The following TMEM144 variants were observed in gnomAD, a reference collection of about 807,000 sequenced individuals.
The protein encoded by TMEM144 is transmembrane protein 144.
In TMEM144, 39 loss-of-function variants were observed where a neutral mutation model predicts 43.6. The observed-to-expected ratio is 0.90, with a 90% CI of 0.69 to 1.17. TMEM144 has a LOEUF of 1.17. Among genes scored for constraint, TMEM144 ranks in the 50% most tolerant of loss-of-function variants. The pLI, the probability that TMEM144 is intolerant of heterozygous loss-of-function variation, is 0.00. For synonymous variants in TMEM144, 154 were observed against 133.6 expected, an observed-to-expected ratio of 1.15 and a Z score of -1.06; for missense variants, 417 against 411.9, an observed-to-expected ratio of 1.01 and a Z score of -0.11.
intron 6 of TMEM144, among the ~76,000 whole-genome samples, chr4:158,221,926 T>C (rs1734528194): frequency 6.6e-6 from 1 of 152,204 alleles, no homozygotes; most frequent in Non-Finnish European, 1.5e-5. Flanking sequence ...GCCTTCAACA[T>C]TTCCCAATCA....
At chr4:158,237,813 T>C (rs1161710956) in intron 9 of TMEM144, among the ~76,000 whole-genome samples, 170 bp downstream of exon 9, 2 of 152,212 alleles carry the variant, frequency 1.3e-5, no homozygotes, top group Admixed American at 6.5e-5. Context: ...AGCATTTTCA[T>C]ATGATCTTTA....
rs149144602 is a variant in TMEM144, at chr4:158,249,887, G to GGTGTGT, written c.955-3516_955-3511dup. Among the ~76,000 whole-genome samples, 800 of 134,510 alleles carry GGTGTGT rather than the reference G, an allele frequency of 5.9e-3. 8 individuals are homozygous for GGTGTGT. The highest frequency in any genetic ancestry group is 8.0e-3 in the Non-Finnish European group (501 of 62,742). The allele number at this position is 134,510 out of a possible 152,430, so 88.2% of individuals were successfully genotyped here. On this transcript the variant is annotated intron_variant, in intron 12 of 12. Transcript: ENST00000296529. ...CTGGGAAATCCAAAGCCTACTGCCA[G>GGTGTGT]GTGTGTGTGTGTGTGTGTGTGTGTG...
chr4:158,251,626 G>A (rs1269285389), intron 12 of TMEM144, among the ~76,000 whole-genome samples: 1 of 152,182 alleles, frequency 6.6e-6, no homozygotes, highest in African/African-American at 2.4e-5. Context: ...GTTTCACCTA[G>A]GACCTCATTA....
intron 8 of TMEM144, 33 bp downstream of exon 8, chr4:158,235,538 C>G (rs1171705685): frequency 5.1e-6 from 8 of 1,577,458 alleles, no homozygotes; most frequent in Non-Finnish European, 6.9e-6. Context: ...CTCTATTACT[C>G]TGTTTCATAT....
At position 158,245,093 on chromosome 4, in the gene TMEM144, TC is replaced by T. The variant is rs748570913; in HGVS notation, c.954+746del. Among the ~76,000 whole-genome samples the T allele has an allele frequency of 2.0e-5, 3 of 152,146 alleles. No homozygotes were observed. The South Asian group carries it at 6.2e-4, about 32-fold the overall frequency. On this transcript the variant is annotated intron_variant, in intron 12 of 12. Coordinates refer to ENST00000296529, the MANE Select transcript of TMEM144 (RefSeq NM_018342.5). ...TTGGTTCCTATGTCTCCCAAAGACC[TC>T]CATGTCAAACCAGCAATTTTGTAGG...
At chr4:158,247,029 A>C (rs748169482) in intron 12 of TMEM144, among the ~76,000 whole-genome samples, 86 of 151,974 alleles carry the variant, frequency 5.7e-4, no homozygotes, top group Non-Finnish European at 9.6e-4. Context: ...TTAAAAAGAC[A>C]CATCAGACTG....
chr4:158,232,428 G>A (rs1237474832), intron 6 of TMEM144, among the ~76,000 whole-genome samples: 7 of 152,302 alleles, frequency 4.6e-5, no homozygotes, highest in Non-Finnish European at 1.0e-4. Context: ...GGTAAGGTCA[G>A]AAGTGGACAC....
intron 2 of TMEM144, chr4:158,212,077 G>A (rs1733986006): frequency 6.6e-6 from 1 of 152,122 alleles, no homozygotes; most frequent in Non-Finnish European, 1.5e-5. Context: ...TATTCCAAAG[G>A]GCCAGTGTGC....
At chr4:158,237,464 G>A (rs1480304049) in intron 8 of TMEM144, 61 bp from the exon 9 acceptor site, 8 of 1,273,032 alleles carry the variant, frequency 6.3e-6, no homozygotes, top group Non-Finnish European at 9.0e-6. Context: ...GATTCCATTT[G>A]TGCGTTTGTC....
rs1259001928 is a variant in TMEM144 at position 158,233,356 on chromosome 4, G to GA, written c.495+375dup. 2.6e-5 allele frequency: 4 copies of GA among 154,842 alleles called. No homozygotes were observed. The East Asian group carries it at 7.6e-4, about 29-fold the overall frequency. 9.6% of individuals were successfully genotyped at this position (154,842 alleles called of 1,614,324 possible). Reference sequence around the variant, plus strand: ...TTTGAAGTTGGTCCAGGGGAGAATAGACCATAGGAGGCCAAGAAAGGTAAG... The same window carrying GA: ...TTTGAAGTTGGTCCAGGGGAGAATAGAACCATAGGAGGCCAAGAAAGGTAAG... On this transcript the variant is annotated intron_variant, in intron 7 of 12. Coordinates refer to ENST00000296529, the MANE Select transcript of TMEM144 (RefSeq NM_018342.5).
At chr4:158,245,265 T>C (rs1735835634) in intron 12 of TMEM144, among the ~76,000 whole-genome samples, 1 of 22,110 alleles carries the variant, frequency 4.5e-5, no homozygotes. Context: ...TGTGTGTGTA[T>C]GTATGTTTTC....
intron 6 of TMEM144, among the ~76,000 whole-genome samples, chr4:158,232,616 T>C (rs1735137857): frequency 6.6e-6 from 1 of 152,244 alleles, no homozygotes; most frequent in Admixed American, 6.5e-5. Context: ...TAGTTTTCAT[T>C]TGTGTTTCTT....
At chr4:158,217,180 T>C (rs1264692401) in intron 4 of TMEM144, 141 bp from the exon 5 acceptor site, 4 of 559,476 alleles carry the variant, frequency 7.1e-6, no homozygotes, top group East Asian at 6.0e-5. Flanking sequence ...GTTATTTTAC[T>C]GAAAAAATAA....
chr4:158,246,453 G>T (rs1017597635), intron 12 of TMEM144, among the ~76,000 whole-genome samples: 5 of 151,964 alleles, frequency 3.3e-5, no homozygotes, highest in Non-Finnish European at 7.4e-5. Flanking sequence ...GAAATATTTT[G>T]ATTTAAAATC....
In TMEM144 at chr4:158,241,522, A is replaced by G; in HGVS notation, c.816A>G (p.Gly272=). 7 of 1,613,732 alleles carry G rather than the reference A, an allele frequency of 4.3e-6. No individual in the cohort carries two copies. Among genetic ancestry groups the G allele is most frequent in the Non-Finnish European group, 5.9e-6 (7 of 1,179,710 alleles). The change falls in exon 11 of 13, where the codon GGA becomes GGG. Residue 272 remains glycine, a synonymous_variant. Coordinates refer to ENST00000296529, the MANE Select transcript of TMEM144 (RefSeq NM_018342.5). ...TTTGTATTTCAGGATTCCTGTCAGG[A>G]GTACTTTGGGCTATAGCTACCTGCT... The part of the protein sequence containing the change: ...PEAVLPGFLS[G]VLWAIATCCW...
At position 158,254,886 on chromosome 4, in the gene TMEM144, G is replaced by A. The variant is rs1736405391; in HGVS notation, c.*1359G>A. 1 of 152,054 alleles carries A rather than the reference G, an allele frequency of 6.6e-6. No homozygotes were observed. The highest frequency in any genetic ancestry group is 2.4e-5 in the African/African-American group (1 of 41,416). 9.4% of individuals were successfully genotyped at this position (152,054 alleles called of 1,614,324 possible). A position where few individuals can be genotyped will look rare whatever the true frequency, so the allele number is the denominator to read the frequency against. On this transcript the variant is annotated 3_prime_UTR_variant, in exon 13 of 13. Transcript: ENST00000296529. ...CAAGTTCCTAAGCCCTCTGTGTCAG[G>A]CCCCTCATTAACAAAATGGAGTTTA... is the stretch of plus-strand genomic sequence containing the variant.
chr4:158,224,627 C>T (rs535579883), intron 6 of TMEM144, among the ~76,000 whole-genome samples: 94 of 152,236 alleles, frequency 6.2e-4, no homozygotes, highest in South Asian at 1.2e-3. Flanking sequence ...ACCTCAGTGA[C>T]TTGATGTATA....
intron 12 of TMEM144, among the ~76,000 whole-genome samples, chr4:158,249,446 G>A (rs1328356329): frequency 6.6e-6 from 1 of 152,170 alleles, no homozygotes; most frequent in Non-Finnish European, 1.5e-5. Context: ...TCTGCTTTGG[G>A]AAGAATGTTA....
chr4:158,238,312 T>A (rs761074576), intron 9 of TMEM144, among the ~76,000 whole-genome samples: 5 of 152,216 alleles, frequency 3.3e-5, no homozygotes, highest in Non-Finnish European at 7.3e-5. Context: ...TAATGTGACC[T>A]CTGTTCAGAT....
Sources: gnomAD v4.1 joint callset for allele counts (sites outside exome capture counted in the v4.1 genomes callset) on GRCh38, gnomAD v4.1.1 for gene constraint, MANE v1.5 for transcripts, NCBI Gene and HGNC (gene_info 2026-07-23, HGNC 2026-07-21) for gene names.